Variants in ANKS1B observed in about 807,000 individuals in gnomAD.
The protein encoded by ANKS1B is ankyrin repeat and sterile alpha motif domain-containing protein 1B.
ANKS1B carries 36 observed loss-of-function variants against 148.3 expected under a neutral mutation model. The ratio of observed to expected loss-of-function variants is 0.24; its 90% CI spans 0.19 to 0.32. ANKS1B has a LOEUF of 0.32. Ranked by LOEUF, ANKS1B falls within the 10% of genes least tolerant of loss-of-function variation. ANKS1B has a pLI of 1.00. For synonymous variants in ANKS1B, 542 were observed against 560.8 expected, an observed-to-expected ratio of 0.97 and a Z score of 0.47; for missense variants, 1,157 against 1,542.6, an observed-to-expected ratio of 0.75 and a Z score of 4.19.
At chr12:98,840,578 C>T (rs2099400415) in intron 17 of ANKS1B, among the ~76,000 whole-genome samples, 1 of 152,090 alleles carries the variant, frequency 6.6e-6, no homozygotes, top group Non-Finnish European at 1.5e-5. Flanking sequence ...ATCATCTTTG[C>T]ATGGAAAGAG....
At chr12:99,754,078 C>G (rs2061353372) in intron 8 of ANKS1B, among the ~76,000 whole-genome samples, 4 of 151,756 alleles carry the variant, frequency 2.6e-5, no homozygotes, top group Admixed American at 2.6e-4. Flanking sequence ...GATAAAGAAC[C>G]AAGATCCATT....
intron 9 of ANKS1B, among the ~76,000 whole-genome samples, chr12:99,651,182 A>G (rs1490622870): frequency 6.6e-6 from 1 of 152,146 alleles, no homozygotes; most frequent in Admixed American, 6.5e-5. Flanking sequence ...AGCGCTTACG[A>G]CTTAATGATT....
chr12:98,882,960 G>T (rs1473029914), intron 17 of ANKS1B, among the ~76,000 whole-genome samples: 1 of 152,020 alleles, frequency 6.6e-6, no homozygotes, highest in Non-Finnish European at 1.5e-5. Flanking sequence ...AAACAACAAC[G>T]TTCTTTAGAG....
chr12:99,915,370 C>T (rs534126301), intron 1 of ANKS1B, among the ~76,000 whole-genome samples: 3 of 151,948 alleles, frequency 2.0e-5, no homozygotes, highest in Non-Finnish European at 1.5e-5. Flanking sequence ...CACATAAGGA[C>T]GTGGATGTTG....
intron 9 of ANKS1B, among the ~76,000 whole-genome samples, chr12:99,538,080 T>C (rs1287616625): frequency 6.6e-6 from 1 of 152,134 alleles, no homozygotes; most frequent in Non-Finnish European, 1.5e-5. Flanking sequence ...TGTGTTTATT[T>C]GTTTCTGTGT....
chr12:98,910,007 C>A (rs140498424), intron 17 of ANKS1B, among the ~76,000 whole-genome samples: 1 of 152,324 alleles, frequency 6.6e-6, no homozygotes, highest in East Asian at 1.9e-4. Flanking sequence ...ATCCATCAGG[C>A]TAATTAGCAG....
intron 17 of ANKS1B, among the ~76,000 whole-genome samples, chr12:98,858,265 T>G (rs764906877): frequency 6.6e-6 from 1 of 152,094 alleles, no homozygotes; most frequent in Non-Finnish European, 1.5e-5. Flanking sequence ...AATGAAAAAA[T>G]CATAGTTTAG....
chr12:99,211,391 C>T (rs554061990), intron 14 of ANKS1B, among the ~76,000 whole-genome samples: 1 of 152,266 alleles, frequency 6.6e-6, no homozygotes, highest in South Asian at 2.1e-4. Flanking sequence ...TTAGGAAGTC[C>T]CCTCTGCTTT....
intron 15 of ANKS1B, among the ~76,000 whole-genome samples, chr12:99,153,020 G>A (rs919927498): frequency 6.6e-5 from 10 of 151,980 alleles, no homozygotes; most frequent in African/African-American, 2.4e-4. Flanking sequence ...AACAGTAGCT[G>A]CATATATCAG....
At position 98,781,313 on chromosome 12, in the gene ANKS1B, AACACACACACACACACAC is replaced by A. The variant is rs59308427; in HGVS notation, c.3355-128_3355-111del. On this transcript the variant is annotated intron_variant, in intron 23 of 26. Coordinates refer to ENST00000683438, the MANE Select transcript of ANKS1B (RefSeq NM_001352186.2). The stretch of plus-strand genomic sequence containing the variant: ...ATGAGCTCAAATTAAAAACAACAAC[AACACACACACACACACAC>A]ACACACACACATCAGATACACACCA... 8 of 613,440 alleles carry A rather than the reference AACACACACACACACACAC, an allele frequency of 1.3e-5. No homozygotes were observed. The East Asian group carries it at 2.5e-4, about 19-fold the overall frequency. 38.0% of individuals were successfully genotyped at this position (613,440 alleles called of 1,614,324 possible). A position where few individuals can be genotyped will look rare whatever the true frequency, so the allele number is the denominator to read the frequency against.
chr12:99,457,344 C>G (rs1332826203), intron 10 of ANKS1B, among the ~76,000 whole-genome samples: 1 of 151,072 alleles, frequency 6.6e-6, no homozygotes, highest in Non-Finnish European at 1.5e-5. Context: ...CTCACAGGAC[C>G]TATAAAACAA....
downstream of ANKS1B, among the ~76,000 whole-genome samples, chr12:98,741,886 G>A (rs902200037): frequency 2.0e-5 from 3 of 152,232 alleles, no homozygotes; most frequent in Non-Finnish European, 2.9e-5. Flanking sequence ...TTGAGAGGGA[G>A]GGCTGCAGGC....
chr12:99,413,273 A>C (rs1464119245), intron 11 of ANKS1B, among the ~76,000 whole-genome samples: 1 of 152,220 alleles, frequency 6.6e-6, no homozygotes, highest in Non-Finnish European at 1.5e-5. Context: ...AATTAAAGTT[A>C]AGTGGGAGAG....
chr12:99,714,551 TA>T (rs1218255084), intron 8 of ANKS1B, among the ~76,000 whole-genome samples: 5 of 152,290 alleles, frequency 3.3e-5, no homozygotes, highest in Non-Finnish European at 5.9e-5. Flanking sequence ...ATTATTATTA[TA>T]TTTTTTGTGG....
chr12:99,453,089 G>A (rs908816143), intron 10 of ANKS1B, among the ~76,000 whole-genome samples: 4 of 152,034 alleles, frequency 2.6e-5, no homozygotes, highest in Admixed American at 6.6e-5. Flanking sequence ...AGGAGATCGA[G>A]ACCATCCTGG....
At chr12:99,058,278 CG>C (rs2040982416) in intron 16 of ANKS1B, among the ~76,000 whole-genome samples, 1 of 149,568 alleles carries the variant, frequency 6.7e-6, no homozygotes, top group Admixed American at 6.6e-5. Context: ...CTCTGTCACC[CG>C]GGCACCCAGG....
At chr12:98,806,592 A>G (rs1433224861) in intron 20 of ANKS1B, among the ~76,000 whole-genome samples, 1 of 152,238 alleles carries the variant, frequency 6.6e-6, no homozygotes, top group Non-Finnish European at 1.5e-5. Context: ...TAAGGCTTTG[A>G]AGAATGCTAT....
intron 12 of ANKS1B, among the ~76,000 whole-genome samples, chr12:99,327,725 T>C (rs1254963515): frequency 1.3e-5 from 2 of 150,704 alleles, no homozygotes; most frequent in African/African-American, 2.4e-5. Context: ...TATATTTATA[T>C]AATAGATAAT....
intron 11 of ANKS1B, among the ~76,000 whole-genome samples, chr12:99,406,351 T>C (rs73372093): frequency 0.073 from 10,557 of 145,224 alleles, 2,413 homozygotes; most frequent in African/African-American, 0.26. Flanking sequence ...AAAATAAAAC[T>C]AGGAATCAAT....
Sources: allele counts gnomAD v4.1 joint callset (sites outside exome capture counted in the v4.1 genomes callset), GRCh38; gene constraint gnomAD v4.1.1; transcripts MANE v1.5; gene names NCBI Gene and HGNC (gene_info 2026-07-23, HGNC 2026-07-21).